Variants in ADARB2 observed in about 807,000 individuals in gnomAD.
ADARB2 encodes the protein adenosine deaminase RNA specific B2 (inactive), also known as inactive double-stranded RNA-specific editase B2.
In ADARB2, 25 loss-of-function variants were observed where a neutral mutation model predicts 62.2. That is an observed-to-expected ratio of 0.40 (90% CI 0.29 to 0.56). The LOEUF (loss-of-function observed/expected upper bound fraction) is 0.56, where lower values mean the gene tolerates loss of function less well. Ranked by LOEUF, ADARB2 falls within the 20% of genes least tolerant of loss-of-function variation. ADARB2 has a pLI of 0.43. For missense variants in ADARB2, 1,071 were observed against 1,077.4 expected, an observed-to-expected ratio of 0.99 and a Z score of 0.08; for synonymous variants, 572 against 500.8, an observed-to-expected ratio of 1.14 and a Z score of -1.90.
chr10:1,431,358 C>CA (rs1037853054), intron 1 of ADARB2, among the ~76,000 whole-genome samples: 5 of 152,008 alleles, frequency 3.3e-5, no homozygotes, highest in African/African-American at 1.2e-4. Context: ...GAAAAAATCT[C>CA]AAAGGTAATA....
At chr10:1,517,180 G>GCAT (rs1162834305) in intron 1 of ADARB2, among the ~76,000 whole-genome samples, 1 of 151,982 alleles carries the variant, frequency 6.6e-6, no homozygotes, top group Non-Finnish European at 1.5e-5. Context: ...AGTAACTCTT[G>GCAT]CATCGTGCCT....
In ADARB2 at chr10:1,518,866, C is replaced by T. The variant is rs558970405; in HGVS notation, c.101-139706G>A. 7.0e-3 allele frequency among the ~76,000 whole-genome samples: 1,050 copies of T among 150,242 alleles called. 11 individuals are homozygous for T. The highest frequency in any genetic ancestry group is 0.025 in the African/African-American group (1,002 of 40,780). ...AACGTCTGCCTGTGGTGTGGTCATA[C>T]ACATGCATTCCATGTAACATCTGCA... On this transcript the variant is annotated intron_variant, in intron 1 of 9. Coordinates refer to ENST00000381312, the MANE Select transcript of ADARB2 (RefSeq NM_018702.4).
At chr10:1,490,560 T>G (rs1831606533) in intron 1 of ADARB2, among the ~76,000 whole-genome samples, 1 of 152,146 alleles carries the variant, frequency 6.6e-6, no homozygotes, top group Admixed American at 6.6e-5. Flanking sequence ...GTTCAAATGA[T>G]TCTCCTGCCT....
chr10:1,306,266 C>T (rs2131820313), intron 3 of ADARB2, among the ~76,000 whole-genome samples: 2 of 151,900 alleles, frequency 1.3e-5, no homozygotes, highest in East Asian at 3.9e-4. Context: ...ACACCAACAA[C>T]AGACAAACAG....
chr10:1,300,490 A>G (rs189321351), intron 3 of ADARB2, among the ~76,000 whole-genome samples: 8 of 152,170 alleles, frequency 5.3e-5, no homozygotes, highest in South Asian at 2.1e-4. Flanking sequence ...CCACTAATCA[A>G]TTCCCCCCAT....
At chr10:1,495,320 A>G (rs1390440122) in intron 1 of ADARB2, among the ~76,000 whole-genome samples, 1 of 152,262 alleles carries the variant, frequency 6.6e-6, no homozygotes, top group Non-Finnish European at 1.5e-5. Flanking sequence ...CATGCAAGGT[A>G]TATCAAGTAG....
chr10:1,531,355 T>C (rs1222890033), intron 1 of ADARB2, among the ~76,000 whole-genome samples: 1 of 152,200 alleles, frequency 6.6e-6, no homozygotes, highest in African/African-American at 2.4e-5. Flanking sequence ...GCGAGAGGCA[T>C]GGCCAATTCT....
intron 1 of ADARB2, among the ~76,000 whole-genome samples, chr10:1,444,231 C>T (rs1046123392): frequency 6.7e-6 from 1 of 149,364 alleles, no homozygotes; most frequent in African/African-American, 2.5e-5. Context: ...TCCATCCATC[C>T]ACCCACCCAT....
intron 1 of ADARB2, among the ~76,000 whole-genome samples, chr10:1,643,105 G>C (rs183447653): frequency 4.6e-5 from 7 of 152,280 alleles, no homozygotes; most frequent in Admixed American, 2.0e-4. Context: ...GACACCCAAA[G>C]GCCATGGGAC....
chr10:1,327,955 T>TC (rs1831890330), intron 3 of ADARB2, among the ~76,000 whole-genome samples: 2 of 104,502 alleles, frequency 1.9e-5, no homozygotes, highest in Non-Finnish European at 4.3e-5. Context: ...CAGTTCAGTG[T>TC]CTCACCAGTA....
At chr10:1,213,545 A>G (rs2387308) in intron 7 of ADARB2, among the ~76,000 whole-genome samples, 114,577 of 152,160 alleles carry the variant, frequency 0.75, 43,166 homozygotes, top group South Asian at 0.79. Context: ...AGACTCGGGG[A>G]TGAAGCACTT....
At chr10:1,488,891 TGA>T (rs1831585518) in intron 1 of ADARB2, among the ~76,000 whole-genome samples, 1 of 152,170 alleles carries the variant, frequency 6.6e-6, no homozygotes, top group African/African-American at 2.4e-5. Context: ...CAAACCAGGA[TGA>T]GATGGGAACA....
chr10:1,368,140 C>T (rs538274187), intron 2 of ADARB2, among the ~76,000 whole-genome samples: 26 of 146,786 alleles, frequency 1.8e-4, no homozygotes, highest in South Asian at 4.3e-4. Flanking sequence ...CTGTGGGGAA[C>T]GGGGGCGCAG....
At chr10:1,734,537 C>A (rs1835276127) in intron 1 of ADARB2, among the ~76,000 whole-genome samples, 2 of 152,180 alleles carry the variant, frequency 1.3e-5, no homozygotes, top group South Asian at 4.2e-4. Flanking sequence ...AGAAAAGGAG[C>A]CAGATGTCAC....
chr10:1,315,309 C>T (rs552348963), intron 3 of ADARB2, among the ~76,000 whole-genome samples: 2 of 152,334 alleles, frequency 1.3e-5, no homozygotes, highest in Middle Eastern at 3.4e-3. Flanking sequence ...CCCCAGCCAG[C>T]GCACATGGCT....
At chr10:1,441,706 T>A (rs1043535109) in intron 1 of ADARB2, among the ~76,000 whole-genome samples, 2 of 152,200 alleles carry the variant, frequency 1.3e-5, no homozygotes, top group African/African-American at 2.4e-5. Flanking sequence ...AATTTTAAAA[T>A]TTGTTGAAAT....
intron 1 of ADARB2, among the ~76,000 whole-genome samples, chr10:1,649,647 T>C (rs1834086564): frequency 6.6e-6 from 1 of 152,250 alleles, no homozygotes; most frequent in Non-Finnish European, 1.5e-5. Context: ...GATTACCAGA[T>C]GTGCCAGAGT....
chr10:1,396,253 C>T (rs55764467), intron 1 of ADARB2, among the ~76,000 whole-genome samples: 2,649 of 152,228 alleles, frequency 0.017, 28 homozygotes, highest in Middle Eastern at 0.037. Context: ...GCGACTCTCT[C>T]CAGCCTTGAG....
intron 2 of ADARB2, among the ~76,000 whole-genome samples, chr10:1,377,226 GGT>G (rs1445411280): frequency 7.4e-6 from 1 of 134,506 alleles, no homozygotes; most frequent in African/African-American, 2.9e-5. Context: ...GCGCCCCTGG[GGT>G]GTGTTTGTGT....
Sources: allele counts gnomAD v4.1 joint callset (sites outside exome capture counted in the v4.1 genomes callset), GRCh38; gene constraint gnomAD v4.1.1; transcripts MANE v1.5; gene names NCBI Gene and HGNC (gene_info 2026-07-23, HGNC 2026-07-21).